The following THSD7B variants were observed in gnomAD, a reference collection of about 807,000 sequenced individuals.
THSD7B encodes thrombospondin type-1 domain-containing protein 7B.
THSD7B carries 138 observed loss-of-function variants against 213.6 expected under a neutral mutation model. That is an observed-to-expected ratio of 0.65 (90% CI 0.56 to 0.74). The LOEUF is 0.74. THSD7B is among the 30% of genes least tolerant of loss of function. The pLI, the probability that THSD7B is intolerant of heterozygous loss-of-function variation, is 0.00. For missense variants in THSD7B, 1,931 were observed against 1,991.5 expected (o/e 0.97, Z 0.58); for synonymous variants, 742 against 687.0 (o/e 1.08, Z -1.25).
At chr2:137,446,084 A>G (rs1450676008) in intron 14 of THSD7B, among the ~76,000 whole-genome samples, 1 of 151,954 alleles carries the variant, frequency 6.6e-6, no homozygotes, top group African/African-American at 2.4e-5. Flanking sequence ...CAGTGTCAGT[A>G]GATAGAACAT....
chr2:137,327,952 G>T (rs1023747434), intron 12 of THSD7B, among the ~76,000 whole-genome samples: 2 of 151,920 alleles, frequency 1.3e-5, no homozygotes, highest in Admixed American at 6.6e-5. Context: ...CATTTTTTTC[G>T]CAGCTGGATG....
intron 12 of THSD7B, among the ~76,000 whole-genome samples, chr2:137,401,643 T>G (rs1011464781): frequency 6.6e-6 from 1 of 150,980 alleles, no homozygotes; most frequent in Admixed American, 6.6e-5. Flanking sequence ...TCTTTTTTTT[T>G]TTTTTTTTCT....
intron 9 of THSD7B, among the ~76,000 whole-genome samples, 181 bp downstream of exon 9, chr2:137,233,314 A>G (rs1006647574): frequency 4.6e-5 from 7 of 152,216 alleles, no homozygotes; most frequent in African/African-American, 1.7e-4. Flanking sequence ...CGTGTTTATG[A>G]TATATATCAC....
At chr2:136,794,524 A>T (rs1332533878) in intron 1 of THSD7B, among the ~76,000 whole-genome samples, 3 of 151,506 alleles carry the variant, frequency 2.0e-5, no homozygotes, top group Admixed American at 2.0e-4. Context: ...TCTGCTTTTT[A>T]TTTCTAAATC....
At chr2:136,777,946 T>C (rs1429467246) in intron 1 of THSD7B, among the ~76,000 whole-genome samples, 1 of 152,060 alleles carries the variant, frequency 6.6e-6, no homozygotes, top group Admixed American at 6.6e-5. Context: ...AGCCAAAAAG[T>C]TGAAAGTGGC....
At chr2:136,927,743 A>G (rs981702515) in intron 2 of THSD7B, among the ~76,000 whole-genome samples, 1 of 152,232 alleles carries the variant, frequency 6.6e-6, no homozygotes, top group Non-Finnish European at 1.5e-5. Context: ...GATGACAGAC[A>G]TTGATAGGGC....
At chr2:136,893,120 CTGTT>C (rs1436138283) in intron 2 of THSD7B, among the ~76,000 whole-genome samples, 22 of 152,296 alleles carry the variant, frequency 1.4e-4, no homozygotes, top group African/African-American at 4.1e-4. Context: ...CTACCACAGT[CTGTT>C]TGTTCTGGAA....
intron 5 of THSD7B, among the ~76,000 whole-genome samples, chr2:137,152,981 A>G (rs1280510737): frequency 6.6e-6 from 1 of 152,144 alleles, no homozygotes; most frequent in Admixed American, 6.5e-5. Flanking sequence ...ATAAGATGTC[A>G]TTTAGATCAG....
chr2:137,599,601 A>G (rs1682036959), intron 17 of THSD7B, among the ~76,000 whole-genome samples: 1 of 151,792 alleles, frequency 6.6e-6, no homozygotes, highest in Non-Finnish European at 1.5e-5. Context: ...ATCTAGAACT[A>G]GAAATACCAT....
intron 1 of THSD7B, among the ~76,000 whole-genome samples, chr2:136,878,081 C>T (rs879716554): frequency 6.6e-5 from 10 of 152,098 alleles, no homozygotes; most frequent in Non-Finnish European, 1.0e-4. Flanking sequence ...TTCCCCCACC[C>T]CACAACAGGT....
At position 137,548,495 on chromosome 2, in the gene THSD7B, T is replaced by A. The variant is rs375917321; in HGVS notation, c.3139-14726T>A. The stretch of plus-strand genomic sequence containing the variant: ...TCATCTCCCTCACATTCCAGATGAC[T>A]TATTCTTTCCCAAACTTTATTTGGA... On this transcript the variant is annotated intron_variant, in intron 15 of 27. Coordinates refer to ENST00000409968, the MANE Select transcript of THSD7B (RefSeq NM_001316349.2). 3.9e-5 allele frequency among the ~76,000 whole-genome samples: 6 copies of A among 152,124 alleles called. No homozygotes were observed. The East Asian group carries it at 5.8e-4, about 15-fold the overall frequency.
At chr2:137,435,458 A>G (rs1445642267) in intron 14 of THSD7B, among the ~76,000 whole-genome samples, 2 of 152,222 alleles carry the variant, frequency 1.3e-5, no homozygotes, top group African/African-American at 2.4e-5. Flanking sequence ...ATGAATCACT[A>G]TGCACAGAGA....
At chr2:137,449,225 G>A (rs1167205259) in intron 14 of THSD7B, among the ~76,000 whole-genome samples, 2 of 152,160 alleles carry the variant, frequency 1.3e-5, no homozygotes, top group African/African-American at 4.8e-5. Context: ...GCCTGACAAA[G>A]GAGTTGTGGA....
At chr2:137,610,904 A>G (rs1682276099) in intron 17 of THSD7B, among the ~76,000 whole-genome samples, 1 of 151,642 alleles carries the variant, frequency 6.6e-6, no homozygotes, top group Non-Finnish European at 1.5e-5. Flanking sequence ...TATTCTAGAG[A>G]GAAAAATAGA....
At chr2:137,118,983 C>T (rs546132494) in intron 5 of THSD7B, among the ~76,000 whole-genome samples, 1 of 152,214 alleles carries the variant, frequency 6.6e-6, no homozygotes, top group Admixed American at 6.5e-5. Context: ...ACCATGAGAA[C>T]AGTATGGGGC....
Position 137,590,792 on chromosome 2 carries a change from G to GTT in THSD7B, c.3423+18256_3423+18257dup, listed in dbSNP as rs1215185747. 4.7e-3 allele frequency among the ~76,000 whole-genome samples: 421 copies of GTT among 88,688 alleles called. 27 individuals carry two copies. Among genetic ancestry groups the GTT allele is most frequent in the East Asian group, 0.014 (39 of 2,888 alleles). 58.2% of individuals were successfully genotyped at this position (88,688 alleles called of 152,430 possible). ...GCATTTTTCCCTCTGCTTTGAAATA[G>GTT]TTTTTTTTTTTTTTTTTTTTTAGCT... On this transcript the variant is annotated intron_variant, in intron 17 of 27. Transcript: ENST00000409968.
At chr2:137,067,285 T>C (rs1318329366) in intron 3 of THSD7B, among the ~76,000 whole-genome samples, 3 of 152,118 alleles carry the variant, frequency 2.0e-5, no homozygotes, top group African/African-American at 7.2e-5. Context: ...ACCAGGCAAA[T>C]GGAACGGGGG....
At chr2:137,170,332 G>A (rs969530320) in intron 6 of THSD7B, among the ~76,000 whole-genome samples, 2 of 152,048 alleles carry the variant, frequency 1.3e-5, no homozygotes, top group African/African-American at 4.8e-5. Context: ...ATGCCAGAGA[G>A]GTAATGTATT....
At chr2:137,580,003 T>C (rs1346093842) in intron 17 of THSD7B, among the ~76,000 whole-genome samples, 1 of 152,140 alleles carries the variant, frequency 6.6e-6, no homozygotes, top group East Asian at 1.9e-4. Flanking sequence ...CATATAAAAG[T>C]GTTTAGTTTT....
Sources: gnomAD v4.1 joint callset for allele counts (sites outside exome capture counted in the v4.1 genomes callset) on GRCh38, gnomAD v4.1.1 for gene constraint, MANE v1.5 for transcripts, NCBI Gene and HGNC (gene_info 2026-07-23, HGNC 2026-07-21) for gene names.